Variants in LAMA3 observed in about 807,000 individuals in gnomAD.
The protein encoded by LAMA3 is laminin subunit alpha 3, also known as laminin subunit alpha-3.
In LAMA3, 281 loss-of-function variants were observed where a neutral mutation model predicts 402.0. The ratio of observed to expected loss-of-function variants is 0.70; its 90% confidence interval spans 0.63 to 0.77. The LOEUF (loss-of-function observed/expected upper bound fraction) is 0.77. Among genes scored for constraint, LAMA3 ranks in the 30% least tolerant of loss-of-function variants. The pLI is 0.00. For missense variants in LAMA3, 3,840 were observed against 4,215.5 expected (o/e 0.91, Z 2.47); for synonymous variants, 1,431 against 1,558.4 (o/e 0.92, Z 1.93).
chr18:23,738,348 G>A (rs1339548632), intron 2 of LAMA3, among the ~76,000 whole-genome samples: 2 of 152,090 alleles, frequency 1.3e-5, no homozygotes, highest in South Asian at 2.1e-4. Flanking sequence ...GCTTTTGACA[G>A]GAGGAGGTTC....
chr18:23,788,833 A>G (rs2062597437), intron 12 of LAMA3, among the ~76,000 whole-genome samples: 3 of 151,986 alleles, frequency 2.0e-5, no homozygotes, highest in South Asian at 4.1e-4. Flanking sequence ...GAAAAGATAA[A>G]TCATAGAATG....
Position 23,916,601 on chromosome 18 carries a change from G to A in LAMA3, c.7829G>A (p.Arg2610Gln), listed in dbSNP as rs773678674. The A allele has an allele frequency of 9.3e-6, 15 of 1,613,972 alleles. No individual in the cohort carries two copies. In the African/African-American group the frequency reaches 1.2e-4, roughly 13 times the overall value. Reference protein sequence around the residue: ...KNYFEGTGYARVPTQPHAPIP... With the variant: ...KNYFEGTGYAQVPTQPHAPIP... ...TATTTTGAAGGTACGGGCTATGCTC[G>A]AGTTCCAACTCAACCACATGCTCCC... Residue 2610 changes from arginine (R) to glutamine (Q), a missense_variant, in exon 60 of 75, where the codon CGA becomes CAA. Arg to Gln is a conservative substitution (Grantham distance 43). Coordinates refer to ENST00000313654, the MANE Select transcript of LAMA3 (RefSeq NM_198129.4).
At chr18:23,769,126 C>A (rs975733899) in intron 8 of LAMA3, among the ~76,000 whole-genome samples, 5 of 152,042 alleles carry the variant, frequency 3.3e-5, no homozygotes, top group Non-Finnish European at 5.9e-5. Context: ...GTACATGTAC[C>A]CCCTGAATCT....
intron 67 of LAMA3, 58 bp from the exon 68 acceptor site, chr18:23,939,165 C>G (rs2082404795): frequency 6.5e-7 from 1 of 1,540,022 alleles, no homozygotes; most frequent in South Asian, 1.1e-5. Context: ...ATGTACTTAG[C>G]AAGATAAGCA....
At position 23,882,048 on chromosome 18, in the gene LAMA3, A is replaced by G; in HGVS notation, c.5222+3A>G. 1 of 1,606,192 alleles carries G rather than the reference A, an allele frequency of 6.2e-7. No individual in the cohort carries two copies. Among genetic ancestry groups the G allele is most frequent in the Non-Finnish European group, 8.5e-7 (1 of 1,172,936 alleles). On this transcript the variant is annotated splice_donor_region_variant and intron_variant, in intron 40 of 74. Coordinates refer to ENST00000313654, the MANE Select transcript of LAMA3 (RefSeq NM_198129.4). ...TGCCCATGTCCTCACACTAACAGGTACCGTAGCAGCTTGACATAACCTACA... is the reference window on the plus strand; with the variant it reads ...TGCCCATGTCCTCACACTAACAGGTGCCGTAGCAGCTTGACATAACCTACA...
At chr18:23,703,499 A>C (rs2060828309) in intron 1 of LAMA3, among the ~76,000 whole-genome samples, 1 of 151,652 alleles carries the variant, frequency 6.6e-6, no homozygotes, top group African/African-American at 2.4e-5. Context: ...AATTCAAAGG[A>C]CTCCCCCACC....
chr18:23,720,828 G>A (rs2061198405), intron 2 of LAMA3, among the ~76,000 whole-genome samples: 1 of 152,052 alleles, frequency 6.6e-6, no homozygotes, highest in South Asian at 2.1e-4. Context: ...TATACATTAG[G>A]AAGAATCTGG....
chr18:23,811,701 A>G (rs2063071935), intron 13 of LAMA3, among the ~76,000 whole-genome samples: 1 of 152,020 alleles, frequency 6.6e-6, no homozygotes, highest in South Asian at 2.1e-4. Flanking sequence ...TATTACGGAA[A>G]AATGCAGGGA....
At chr18:23,837,308 C>G in intron 25 of LAMA3, 1 of 545,470 alleles carries the variant, frequency 1.8e-6, no homozygotes, top group East Asian at 3.1e-5. Flanking sequence ...ATTTAAGCAC[C>G]TCTCACAAAA....
intron 55 of LAMA3, among the ~76,000 whole-genome samples, chr18:23,910,999 G>A (rs896679672): frequency 1.3e-5 from 2 of 151,566 alleles, no homozygotes; most frequent in Non-Finnish European, 1.5e-5. Flanking sequence ...AGAGGGGAAC[G>A]GGTGCCAGTT....
At chr18:23,826,851 G>T in intron 22 of LAMA3, 52 bp downstream of exon 22, 6 of 1,108,408 alleles carry the variant, frequency 5.4e-6, no homozygotes, top group South Asian at 2.7e-5. Context: ...TCTAAATTAG[G>T]AGCCTTTAAT....
At chr18:23,769,560 A>G (rs1194805477) in intron 8 of LAMA3, among the ~76,000 whole-genome samples, 3 of 152,256 alleles carry the variant, frequency 2.0e-5, no homozygotes, top group Non-Finnish European at 4.4e-5. Flanking sequence ...AAAGAGGTAC[A>G]GCTAAAAGGC....
chr18:23,853,242 T>C (rs1338837869), intron 32 of LAMA3, among the ~76,000 whole-genome samples: 1 of 152,194 alleles, frequency 6.6e-6, no homozygotes, highest in East Asian at 1.9e-4. Context: ...TGGACTTTGA[T>C]ATGAGCATAA....
chr18:23,875,439 T>G (rs1177667580), intron 38 of LAMA3, among the ~76,000 whole-genome samples: 1 of 152,112 alleles, frequency 6.6e-6, no homozygotes, highest in Non-Finnish European at 1.5e-5. Flanking sequence ...AAATCAAGAT[T>G]GAACAAGGAA....
chr18:23,781,768 G>A (rs909746868), intron 11 of LAMA3, among the ~76,000 whole-genome samples: 12 of 152,166 alleles, frequency 7.9e-5, no homozygotes, highest in Admixed American at 7.9e-4. Context: ...CTTTCTCCTG[G>A]GAAATTTTAT....
At chr18:23,741,078 C>T (rs772136908) in intron 2 of LAMA3, among the ~76,000 whole-genome samples, 3 of 152,134 alleles carry the variant, frequency 2.0e-5, no homozygotes, top group Middle Eastern at 3.4e-3. Flanking sequence ...CTCAGCCTCC[C>T]GAGTAGCTGG....
chr18:23,944,469 A>G (rs1237998594), intron 69 of LAMA3, among the ~76,000 whole-genome samples: 1 of 152,246 alleles, frequency 6.6e-6, no homozygotes, highest in Non-Finnish European at 1.5e-5. Context: ...GCATTCCCTT[A>G]GTCATTCAGC....
At chr18:23,760,885 G>A (rs982099507) in intron 7 of LAMA3, among the ~76,000 whole-genome samples, 1 of 152,030 alleles carries the variant, frequency 6.6e-6, no homozygotes, top group African/African-American at 2.4e-5. Flanking sequence ...GTGTCCTTAC[G>A]TGGTGGAACG....
intron 20 of LAMA3, among the ~76,000 whole-genome samples, 184 bp downstream of exon 20, chr18:23,822,559 G>A (rs1038965872): frequency 3.3e-5 from 5 of 152,200 alleles, no homozygotes; most frequent in African/African-American, 9.7e-5. Flanking sequence ...AATCACTTAA[G>A]TTTTGCTACT....
Sources: allele counts gnomAD v4.1 joint callset (sites outside exome capture counted in the v4.1 genomes callset), GRCh38; gene constraint gnomAD v4.1.1; transcripts MANE v1.5; gene names NCBI Gene and HGNC (gene_info 2026-07-23, HGNC 2026-07-21).